Variants in STXBP4 observed in about 807,000 individuals in gnomAD.
STXBP4 encodes syntaxin-binding protein 4.
A neutral mutation model predicts 76.1 loss-of-function variants in STXBP4; 55 were observed. That is an observed-to-expected ratio of 0.72 (90% CI 0.58 to 0.91). The LOEUF (loss-of-function observed/expected upper bound fraction) is 0.91. Among genes scored for constraint, STXBP4 ranks in the 40% least tolerant of loss-of-function variants. The pLI is 0.00. For missense variants in STXBP4, 618 were observed against 636.9 expected (o/e 0.97, Z 0.32); for synonymous variants, 201 against 220.2 (o/e 0.91, Z 0.77).
At chr17:55,059,409 G>T (rs1182579544) in intron 12 of STXBP4, among the ~76,000 whole-genome samples, 1 of 152,108 alleles carries the variant, frequency 6.6e-6, no homozygotes, top group Non-Finnish European at 1.5e-5. Flanking sequence ...CTTAAATGAT[G>T]CAGTGATTAC....
Position 54,990,879 on chromosome 17 carries a change from G to A in STXBP4, c.102G>A (p.Lys34=). ...TIAKETGLGL[K]VLGGINRNEG... ...CCAAGGAAACAGGCCTTGGCCTGAA[G>A]GTACTAGGAGGAATTAACCGGAATG... The change falls in exon 4 of 18, where the codon AAG becomes AAA. Residue 34 remains lysine (K), a synonymous_variant. Transcript: ENST00000376352. 3.7e-6 allele frequency: 6 copies of A among 1,602,914 alleles called. No homozygotes were observed. The highest frequency in any genetic ancestry group is 4.3e-6 in the Non-Finnish European group (5 of 1,176,360).
At chr17:55,177,588 A>T (rs2080435777), downstream of STXBP4, among the ~76,000 whole-genome samples, 1 of 152,250 alleles carries the variant, frequency 6.6e-6, no homozygotes, top group African/African-American at 2.4e-5. Flanking sequence ...CAGAGCCAAC[A>T]CTTTGAAAGG....
chr17:55,010,523 A>G (rs1453074608), intron 8 of STXBP4, among the ~76,000 whole-genome samples: 1 of 152,130 alleles, frequency 6.6e-6, no homozygotes, highest in African/African-American at 2.4e-5. Context: ...TGAATAGTAT[A>G]TGTCTCATTT....
chr17:55,114,228 G>C (rs550273774), intron 16 of STXBP4, among the ~76,000 whole-genome samples: 242 of 151,840 alleles, frequency 1.6e-3, no homozygotes, highest in Non-Finnish European at 2.4e-3. Flanking sequence ...ATATAATCTG[G>C]GTTGGAAGCC....
rs2145206333 is a variant in STXBP4, at chr17:55,165,394, T to G, written c.*5483T>G. On this transcript the variant is annotated 3_prime_UTR_variant, in exon 18 of 18. Transcript: ENST00000376352. ...CATTTGTCCCCTAGAATGGAAATGA[T>G]TATGTGGTATGTTTAGGCAGTGGGA... 6.6e-6 allele frequency: 1 copy of G among 152,234 alleles called. No homozygotes were observed. The allele number at this position is 152,234 out of a possible 1,614,324, so 9.4% of individuals were successfully genotyped here. A position where few individuals can be genotyped will look rare whatever the true frequency, so the allele number is the denominator to read the frequency against.
At chr17:55,079,694 G>C (rs1467136289) in intron 15 of STXBP4, among the ~76,000 whole-genome samples, 1 of 151,978 alleles carries the variant, frequency 6.6e-6, no homozygotes, top group African/African-American at 2.4e-5. Flanking sequence ...CTGGAGCCCA[G>C]GAGCTCTAGG....
At chr17:55,192,539 C>T in the STXBP4 span, among the ~76,000 whole-genome samples, 2 of 152,088 alleles carry the variant, frequency 1.3e-5, no homozygotes, top group Non-Finnish European at 1.5e-5. Context: ...AGGAAAGAGA[C>T]CAGGACTCCT....
chr17:55,105,630 C>A (rs908168040), intron 16 of STXBP4, among the ~76,000 whole-genome samples: 2 of 149,244 alleles, frequency 1.3e-5, no homozygotes, highest in Non-Finnish European at 2.9e-5. Context: ...CCACCACACC[C>A]AGCTAATATT....
chr17:55,180,955 A>G, the STXBP4 span, among the ~76,000 whole-genome samples: 1 of 152,220 alleles, frequency 6.6e-6, no homozygotes, highest in East Asian at 1.9e-4. Context: ...ATGTCAACTG[A>G]CACAAAACAA....
intron 8 of STXBP4, chr17:55,030,737 A>C (rs1445165755): frequency 1.3e-5 from 2 of 153,152 alleles, no homozygotes; most frequent in Non-Finnish European, 2.9e-5. Flanking sequence ...CAAGCCAAAA[A>C]TTAGAAGATT....
intron 16 of STXBP4, among the ~76,000 whole-genome samples, chr17:55,087,522 TTTTGGCACC>T (rs1425455831): frequency 1.3e-5 from 2 of 152,168 alleles, no homozygotes; most frequent in Admixed American, 1.3e-4. Context: ...TTCCCAATGC[TTTTGGCACC>T]TTTGTCAAAA....
At chr17:55,046,546 T>C (rs1338757550) in intron 11 of STXBP4, among the ~76,000 whole-genome samples, 1 of 151,914 alleles carries the variant, frequency 6.6e-6, no homozygotes. Flanking sequence ...CTTGACTTAA[T>C]TTCAAATCCA....
chr17:55,146,212 T>C (rs1224686239), intron 17 of STXBP4, among the ~76,000 whole-genome samples: 2 of 152,230 alleles, frequency 1.3e-5, no homozygotes, highest in African/African-American at 4.8e-5. Flanking sequence ...TTGATTCAGA[T>C]TTACTGTGAT....
chr17:55,046,933 G>A (rs917018023), intron 11 of STXBP4, among the ~76,000 whole-genome samples, 156 bp from the exon 12 acceptor site: 3 of 151,790 alleles, frequency 2.0e-5, no homozygotes, highest in African/African-American at 7.3e-5. Flanking sequence ...TTACTTTTAA[G>A]TGCCTCATGT....
At chr17:55,032,435 C>T (rs1323479084) in intron 9 of STXBP4, among the ~76,000 whole-genome samples, 2 of 151,812 alleles carry the variant, frequency 1.3e-5, no homozygotes, top group East Asian at 3.9e-4. Flanking sequence ...CAGGTAAAGC[C>T]CAAGTGTGTG....
At chr17:55,182,998 A>G in the STXBP4 span, among the ~76,000 whole-genome samples, 289 of 152,332 alleles carry the variant, frequency 1.9e-3, 1 homozygote, top group Non-Finnish European at 3.3e-3. Flanking sequence ...AAAATCAAAT[A>G]AAAGAATAAA....
chr17:55,179,706 G>C, the STXBP4 span, among the ~76,000 whole-genome samples: 1 of 152,224 alleles, frequency 6.6e-6, no homozygotes, highest in South Asian at 2.1e-4. Context: ...TCCACTTAAT[G>C]AGTAGTAAAT....
Position 55,007,540 on chromosome 17 carries a change from A to G in STXBP4, c.609A>G (p.Leu203=). ...VASAWTENYG[L]QEKISLNPSV... is the part of the protein sequence containing the mutation. Reference sequence around the variant, plus strand: ...CTGCCTGGACTGAAAATTATGGGCTACAAGAAAAGATCTCCCTAAATCCCT... The same window carrying G: ...CTGCCTGGACTGAAAATTATGGGCTGCAAGAAAAGATCTCCCTAAATCCCT... The change falls in exon 8 of 18, where the codon CTA becomes CTG. Residue 203 remains leucine (L), a synonymous_variant. Transcript: ENST00000376352. 2 of 1,611,824 alleles carry G rather than the reference A, an allele frequency of 1.2e-6. No individual in the cohort carries two copies. The highest frequency in any genetic ancestry group is 1.7e-6 in the Non-Finnish European group (2 of 1,179,418).
chr17:55,175,639 A>G (rs2080427337), downstream of STXBP4, among the ~76,000 whole-genome samples: 1 of 152,198 alleles, frequency 6.6e-6, no homozygotes, highest in Non-Finnish European at 1.5e-5. Flanking sequence ...GCTGGAAGCT[A>G]TCTCTCTGCT....
Sources: allele counts gnomAD v4.1 joint callset (sites outside exome capture counted in the v4.1 genomes callset), GRCh38; gene constraint gnomAD v4.1.1; transcripts MANE v1.5; gene names NCBI Gene and HGNC (gene_info 2026-07-23, HGNC 2026-07-21).